Variants in RIMS2 observed in about 807,000 individuals in gnomAD.
The protein encoded by RIMS2 is regulating synaptic membrane exocytosis protein 2.
Under a neutral mutation model 174.4 loss-of-function variants are expected in RIMS2, and 59 were observed. The observed-to-expected ratio is 0.34, with a 90% confidence interval of 0.27 to 0.42. RIMS2 has a LOEUF of 0.42. Ranked by LOEUF, RIMS2 falls within the 10% of genes least tolerant of loss-of-function variation. The probability of loss-of-function intolerance (pLI) is 1.00; values close to 1 mark genes in which losing one functional copy is unlikely to be tolerated. For synonymous variants in RIMS2, 606 were observed against 572.5 expected (o/e 1.06, Z -0.84); for missense variants, 1,620 against 1,666.3 (o/e 0.97, Z 0.48).
chr8:104,083,948 T>C (rs2097482753), intron 19 of RIMS2, among the ~76,000 whole-genome samples: 1 of 152,130 alleles, frequency 6.6e-6, no homozygotes, highest in Non-Finnish European at 1.5e-5. Flanking sequence ...CAGCTAAGTG[T>C]TAATGTTATA....
chr8:103,796,322 A>G (rs2098549670), intron 3 of RIMS2, among the ~76,000 whole-genome samples: 1 of 152,208 alleles, frequency 6.6e-6, no homozygotes, highest in African/African-American at 2.4e-5. Flanking sequence ...AATGTTCTAG[A>G]CTTTGTGAGA....
intron 1 of RIMS2, among the ~76,000 whole-genome samples, chr8:103,550,089 C>T (rs1398210096): frequency 6.6e-6 from 1 of 152,126 alleles, no homozygotes; most frequent in Admixed American, 6.5e-5. Context: ...TTGAACTCAG[C>T]TCTGCACCAA....
At position 103,596,705 on chromosome 8, in the gene RIMS2, T is replaced by C. The variant is rs188893678; in HGVS notation, c.176+95643T>C. Among the ~76,000 whole-genome samples the C allele has an allele frequency of 3.9e-3, 595 of 152,150 alleles. 3 individuals carry two copies. The highest frequency in any genetic ancestry group is 0.014 in the African/African-American group (568 of 41,532). ...TCAATAAAAAATAAAAATATCTGAC[T>C]GATTCTAAAAAATTACAATTTGACC... On this transcript the variant is annotated intron_variant, in intron 1 of 23. Coordinates refer to ENST00000504942, the Ensembl canonical transcript of RIMS2.
At chr8:103,869,870 T>C (rs370963096) in intron 3 of RIMS2, among the ~76,000 whole-genome samples, 17 of 152,010 alleles carry the variant, frequency 1.1e-4, no homozygotes, top group African/African-American at 3.9e-4. Flanking sequence ...AGTGGTAGAG[T>C]TGTTACTGGA....
At chr8:103,938,426 G>A (rs1337847652) in intron 13 of RIMS2, among the ~76,000 whole-genome samples, 1 of 151,902 alleles carries the variant, frequency 6.6e-6, no homozygotes, top group East Asian at 1.9e-4. Context: ...TTCACTATGA[G>A]GAGAACAGCA....
intron 19 of RIMS2, among the ~76,000 whole-genome samples, chr8:104,057,700 T>C (rs1377900180): frequency 1.3e-5 from 2 of 149,598 alleles, no homozygotes; most frequent in East Asian, 2.0e-4. Flanking sequence ...GTATATCTCC[T>C]AATGCTATCT....
chr8:103,694,482 G>T (rs1401934700), intron 1 of RIMS2, among the ~76,000 whole-genome samples: 1 of 152,126 alleles, frequency 6.6e-6, no homozygotes, highest in Non-Finnish European at 1.5e-5. Flanking sequence ...ATGTGAGCCA[G>T]TATAATAATG....
chr8:104,041,657 TACACACAC>T (rs141044034), intron 19 of RIMS2, among the ~76,000 whole-genome samples: 2 of 151,308 alleles, frequency 1.3e-5, no homozygotes, highest in African/African-American at 4.8e-5. Context: ...TATATTTAGG[TACACACAC>T]ACACATATGT....
At chr8:104,143,771 C>G (rs2098605393) in intron 19 of RIMS2, among the ~76,000 whole-genome samples, 1 of 152,160 alleles carries the variant, frequency 6.6e-6, no homozygotes, top group African/African-American at 2.4e-5. Flanking sequence ...TGCCACAGTC[C>G]TAATTCTCCA....
At chr8:103,888,618 T>A (rs1167593660) in intron 4 of RIMS2, among the ~76,000 whole-genome samples, 1 of 151,608 alleles carries the variant, frequency 6.6e-6, no homozygotes, top group Non-Finnish European at 1.5e-5. Context: ...AACTCAGAAA[T>A]GTATCAATTC....
In RIMS2 at chr8:103,608,310, C is replaced by A. The variant is rs1218337751; in HGVS notation, c.177-88776C>A. Among the ~76,000 whole-genome samples the A allele has an allele frequency of 2.1e-5, 3 of 143,498 alleles. 1 individual carries two copies. 94.1% of individuals were successfully genotyped at this position (143,498 alleles called of 152,430 possible). ...GGGGGTGCCTCCCAGTTAGGCTGCTCGGGGGTCAGGGACCCACTTGAGGAG... is the reference window on the plus strand; with the variant it reads ...GGGGGTGCCTCCCAGTTAGGCTGCTAGGGGGTCAGGGACCCACTTGAGGAG... On this transcript the variant is annotated intron_variant, in intron 1 of 23. Transcript: ENST00000504942.
chr8:103,600,369 G>A (rs558173606), intron 1 of RIMS2, among the ~76,000 whole-genome samples: 5 of 152,116 alleles, frequency 3.3e-5, no homozygotes, highest in Admixed American at 1.3e-4. Context: ...TCCTGGGTTC[G>A]AGCAATTATC....
At chr8:103,790,301 T>A (rs1342350912) in intron 3 of RIMS2, among the ~76,000 whole-genome samples, 1 of 152,200 alleles carries the variant, frequency 6.6e-6, no homozygotes, top group East Asian at 1.9e-4. Context: ...CTAATCTACT[T>A]TATGTCTCTG....
chr8:103,958,002 C>T (rs2088143254), intron 14 of RIMS2, among the ~76,000 whole-genome samples: 1 of 152,106 alleles, frequency 6.6e-6, no homozygotes, highest in South Asian at 2.1e-4. Context: ...GGTGATTCCT[C>T]ATAGAGCTAA....
chr8:103,857,907 T>C (rs1451796055), intron 3 of RIMS2, among the ~76,000 whole-genome samples: 1 of 152,226 alleles, frequency 6.6e-6, no homozygotes, highest in Non-Finnish European at 1.5e-5. Context: ...ACAAAGAGTA[T>C]GTTGTCAGCT....
chr8:103,879,421 A>G (rs1183144478), intron 3 of RIMS2, among the ~76,000 whole-genome samples: 4 of 150,438 alleles, frequency 2.7e-5, no homozygotes. Context: ...GGGCAAATGG[A>G]TTTTTTTTTC....
At chr8:103,518,603 G>A (rs1220091208) in intron 1 of RIMS2, among the ~76,000 whole-genome samples, 1 of 151,724 alleles carries the variant, frequency 6.6e-6, no homozygotes, top group African/African-American at 2.4e-5. Flanking sequence ...TTATATTGCT[G>A]TATCAGTTGT....
chr8:103,661,739 C>T (rs769041994), intron 1 of RIMS2, among the ~76,000 whole-genome samples: 12 of 152,296 alleles, frequency 7.9e-5, no homozygotes, highest in African/African-American at 2.2e-4. Flanking sequence ...CTTCTGAGCT[C>T]GGGCAATCTG....
intron 14 of RIMS2, among the ~76,000 whole-genome samples, chr8:103,953,445 T>G (rs1043871320): frequency 6.6e-6 from 1 of 152,198 alleles, no homozygotes; most frequent in Non-Finnish European, 1.5e-5. Context: ...GGGGCCAATA[T>G]TCAACATTCT....
Sources: allele counts gnomAD v4.1 joint callset (sites outside exome capture counted in the v4.1 genomes callset), GRCh38; gene constraint gnomAD v4.1.1; transcripts MANE v1.5; gene names NCBI Gene and HGNC (gene_info 2026-07-23, HGNC 2026-07-21).